The following NBEA variants were observed in gnomAD, a reference collection of about 807,000 sequenced individuals.
The protein encoded by NBEA is neurobeachin.
A neutral mutation model predicts 343.4 loss-of-function variants in NBEA; 44 were observed. The observed-to-expected ratio is 0.13, with a 90% CI of 0.10 to 0.16. The LOEUF (loss-of-function observed/expected upper bound fraction) is 0.16, where lower values mean the gene tolerates loss of function less well. Ranked by LOEUF, NBEA falls within the 10% of genes least tolerant of loss-of-function variation. The pLI is 1.00. For synonymous variants in NBEA, 1,175 were observed against 1,238.7 expected (o/e 0.95, Z 1.08); for missense variants, 2,555 against 3,631.3 (o/e 0.70, Z 7.62).
At chr13:35,358,252 G>A (rs1417326130) in intron 38 of NBEA, among the ~76,000 whole-genome samples, 5 of 148,330 alleles carry the variant, frequency 3.4e-5, no homozygotes, top group African/African-American at 1.2e-4. Flanking sequence ...TTGAACTCCC[G>A]ACCTCAAGTG....
chr13:35,182,574 T>C (rs756990778), intron 29 of NBEA, 46 bp downstream of exon 29: 8 of 1,526,452 alleles, frequency 5.2e-6, no homozygotes, highest in Non-Finnish European at 7.1e-6. Context: ...ATGATGTATC[T>C]CCTTTTTTTC....
Position 35,438,817 on chromosome 13 carries a change from A to G in NBEA, c.6304+6424A>G, listed in dbSNP as rs556208217. Among the ~76,000 whole-genome samples the G allele has an allele frequency of 1.2e-4, 18 of 152,280 alleles. No individual in the cohort carries two copies. In the South Asian group the frequency reaches 3.3e-3, roughly 28 times the overall value. On this transcript the variant is annotated intron_variant, in intron 39 of 58. Transcript: ENST00000379939. ...TTTACAGTCTCTTAAAATAATTTCA[A>G]TGGGTTATATAAAGGCTAAGTTACA...
Position 35,593,275 on chromosome 13 carries a change from G to A in NBEA, c.7177-53G>A, listed in dbSNP as rs142562894. 5.6e-4 allele frequency: 887 copies of A among 1,587,754 alleles called. 1 individual carries two copies. In the African/African-American group the frequency reaches 9.5e-3, roughly 17 times the overall value. ...AGATAGCCATGTTTCACAAAGGAACGAGGGCAGCTGTGTTTAGAGTGGTCA... is the reference window on the plus strand; with the variant it reads ...AGATAGCCATGTTTCACAAAGGAACAAGGGCAGCTGTGTTTAGAGTGGTCA... On this transcript the variant is annotated intron_variant, in intron 46 of 58. Coordinates refer to ENST00000379939, the MANE Select transcript of NBEA (RefSeq NM_001385012.1).
At position 35,256,904 on chromosome 13, in the gene NBEA, C is replaced by G. The variant is rs559015121; in HGVS notation, c.5776+24285C>G. ...GTGCAGGTATGCCAGGGTCTGGAGC[C>G]ATGGCTGGGCAGCTGCAGTTGCACC... is the stretch of plus-strand genomic sequence containing the variant. On this transcript the variant is annotated intron_variant, in intron 34 of 58. Transcript: ENST00000379939. 4.6e-5 allele frequency among the ~76,000 whole-genome samples: 7 copies of G among 152,356 alleles called. No homozygotes were observed. The East Asian group carries it at 1.4e-3, about 29-fold the overall frequency.
intron 41 of NBEA, among the ~76,000 whole-genome samples, chr13:35,547,744 CG>C (rs1039664380): frequency 1.3e-5 from 2 of 151,954 alleles, no homozygotes; most frequent in African/African-American, 4.8e-5. Flanking sequence ...AAAAATTAGC[CG>C]GATGGTAATG....
rs149179788 is a variant in NBEA, at chr13:35,073,032, T to G, written c.1571+2180T>G. On this transcript the variant is annotated intron_variant, in intron 10 of 58. Coordinates refer to ENST00000379939, the MANE Select transcript of NBEA (RefSeq NM_001385012.1). ...ATCCTAAATATCTGAGATTTGCTCT[T>G]TGGTACAGACAATTGTGTGGATCAG... 4.1e-3 allele frequency among the ~76,000 whole-genome samples: 620 copies of G among 152,314 alleles called. 3 individuals carry two copies. Among genetic ancestry groups the G allele is most frequent in the African/African-American group, 0.014 (597 of 41,576 alleles).
chr13:35,526,244 T>C (rs765051801), intron 41 of NBEA, among the ~76,000 whole-genome samples: 2 of 152,212 alleles, frequency 1.3e-5, no homozygotes, highest in African/African-American at 2.4e-5. Context: ...TATGAAACGG[T>C]CCAATCAGTA....
chr13:35,444,345 G>T (rs2045887640), intron 39 of NBEA, among the ~76,000 whole-genome samples: 1 of 151,892 alleles, frequency 6.6e-6, no homozygotes, highest in African/African-American at 2.4e-5. Flanking sequence ...GTCTGAAAAG[G>T]TATTTGTTGC....
chr13:35,151,480 T>G (rs1593521709), intron 18 of NBEA, among the ~76,000 whole-genome samples: 1 of 150,172 alleles, frequency 6.7e-6, no homozygotes, highest in African/African-American at 2.5e-5. Flanking sequence ...GAGGTGGAGG[T>G]TGCGGTGAGC....
chr13:35,091,432 A>C (rs2065076870), intron 10 of NBEA, among the ~76,000 whole-genome samples: 1 of 152,012 alleles, frequency 6.6e-6, no homozygotes, highest in African/African-American at 2.4e-5. Context: ...AATCCAAATT[A>C]CAAGTTGTAG....
At chr13:35,501,163 T>C (rs572595267) in intron 41 of NBEA, among the ~76,000 whole-genome samples, 11 of 152,216 alleles carry the variant, frequency 7.2e-5, no homozygotes, top group Non-Finnish European at 1.6e-4. Context: ...TCATGAGAGT[T>C]TTCATAGTTT....
At chr13:35,306,131 A>G (rs1242372159) in intron 35 of NBEA, among the ~76,000 whole-genome samples, 2 of 152,170 alleles carry the variant, frequency 1.3e-5, no homozygotes, top group African/African-American at 4.8e-5. Context: ...TTTGCTGTTG[A>G]GAAGTCTAAT....
chr13:35,475,829 C>T, intron 41 of NBEA: 1 of 1,614,034 alleles, frequency 6.2e-7, no homozygotes, highest in Non-Finnish European at 8.5e-7. Flanking sequence ...TTGCGCCCGT[C>T]GCTCAACTTC....
At chr13:35,540,308 A>G (rs1486127773) in intron 41 of NBEA, among the ~76,000 whole-genome samples, 4 of 152,174 alleles carry the variant, frequency 2.6e-5, no homozygotes, top group African/African-American at 9.7e-5. Flanking sequence ...AATATGCAGA[A>G]TAATACATAG....
intron 8 of NBEA, among the ~76,000 whole-genome samples, chr13:35,068,206 C>T (rs1184098531): frequency 6.6e-6 from 1 of 152,072 alleles, no homozygotes; most frequent in Non-Finnish European, 1.5e-5. Context: ...TTTCCTCCTA[C>T]AAACCAAAAT....
chr13:35,668,418 T>C lies in NBEA; in HGVS notation c.8712T>C (p.Asn2904=). 1 of 1,613,136 alleles carries C rather than the reference T, an allele frequency of 6.2e-7. No homozygotes were observed. Among genetic ancestry groups the C allele is most frequent in the Non-Finnish European group, 8.5e-7 (1 of 1,179,550 alleles). The change falls in exon 58 of 59, where the codon AAT becomes AAC. Residue 2904 remains asparagine, a synonymous_variant. Transcript: ENST00000379939. ...AGAACCTGGTCACCGGAGGGGACAA[T>C]GGGGTAGTAGAGGTCTGGCAGGCCT... ...DGQNLVTGGD[N]GVVEVWQACD...
intron 41 of NBEA, among the ~76,000 whole-genome samples, chr13:35,526,374 A>G (rs746918059): frequency 2.0e-5 from 3 of 152,204 alleles, no homozygotes; most frequent in Admixed American, 6.5e-5. Context: ...GTTTTTGGCC[A>G]GTGGCCCATG....
At chr13:34,997,036 C>T (rs1487878913) in intron 1 of NBEA, among the ~76,000 whole-genome samples, 1 of 152,016 alleles carries the variant, frequency 6.6e-6, no homozygotes, top group Admixed American at 6.6e-5. Context: ...TAGTTTTTGA[C>T]CTTGGTGTAG....
chr13:34,963,783 G>A (rs1488195495), intron 1 of NBEA, among the ~76,000 whole-genome samples: 2 of 151,132 alleles, frequency 1.3e-5, no homozygotes, highest in Admixed American at 6.6e-5. Context: ...TAGTATCAGC[G>A]GAAAAGCCCA....
Sources: allele counts gnomAD v4.1 joint callset (sites outside exome capture counted in the v4.1 genomes callset), GRCh38; gene constraint gnomAD v4.1.1; transcripts MANE v1.5; gene names NCBI Gene and HGNC (gene_info 2026-07-23, HGNC 2026-07-21).